Variants in TNPO1 observed in about 807,000 individuals in gnomAD.
The protein encoded by TNPO1 is transportin-1.
Under a neutral mutation model 119.5 loss-of-function variants are expected in TNPO1, and 8 were observed. The observed-to-expected ratio is 0.07, with a 90% CI of 0.04 to 0.12. The LOEUF (loss-of-function observed/expected upper bound fraction) is 0.12. Among genes scored for constraint, TNPO1 ranks in the 10% least tolerant of loss-of-function variants. The pLI, the probability that TNPO1 is intolerant of heterozygous loss-of-function variation, is 1.00. For synonymous variants in TNPO1, 362 were observed against 363.0 expected, an observed-to-expected ratio of 1.00 and a Z score of 0.03; for missense variants, 576 against 1,089.8, an observed-to-expected ratio of 0.53 and a Z score of 6.64.
chr5:72,843,538 G>A (rs1745002041), intron 1 of TNPO1, among the ~76,000 whole-genome samples: 2 of 150,782 alleles, frequency 1.3e-5, no homozygotes. Context: ...ACGTTGCAGT[G>A]AGCCGAGATC....
intron 24 of TNPO1, among the ~76,000 whole-genome samples, chr5:72,905,812 G>A (rs1156916270): frequency 6.6e-6 from 1 of 152,170 alleles, no homozygotes; most frequent in Non-Finnish European, 1.5e-5. Context: ...TGGGAATATT[G>A]TTTGAACCTG....
chr5:72,852,477 A>T (rs1745658375), intron 3 of TNPO1, among the ~76,000 whole-genome samples: 1 of 152,220 alleles, frequency 6.6e-6, no homozygotes, highest in Non-Finnish European at 1.5e-5. Context: ...TTGTGGACAC[A>T]TAGAAGTCAA....
intron 5 of TNPO1, among the ~76,000 whole-genome samples, chr5:72,865,129 A>T (rs1049714434): frequency 2.0e-5 from 3 of 152,190 alleles, no homozygotes; most frequent in African/African-American, 4.8e-5. Context: ...ATACTCGATG[A>T]TATAATAATT....
At chr5:72,890,422 CT>C (rs1357966908) in intron 14 of TNPO1, among the ~76,000 whole-genome samples, 1 of 152,086 alleles carries the variant, frequency 6.6e-6, no homozygotes, top group Non-Finnish European at 1.5e-5. Flanking sequence ...GCAAAAGTGC[CT>C]TGTTTCCAGT....
At chr5:72,849,297 G>A (rs1311275376) in intron 2 of TNPO1, among the ~76,000 whole-genome samples, 1 of 152,182 alleles carries the variant, frequency 6.6e-6, no homozygotes, top group Non-Finnish European at 1.5e-5. Context: ...GCTTTCTGTA[G>A]TGCCCTAAAC....
chr5:72,904,522 T>C, intron 23 of TNPO1, among the ~76,000 whole-genome samples: 1 of 152,054 alleles, frequency 6.6e-6, no homozygotes, highest in Non-Finnish European at 1.5e-5. Flanking sequence ...AGGGCCGGGC[T>C]CAGTGGCTCA....
chr5:72,912,566 C>T lies in TNPO1; in HGVS notation c.*3893C>T, dbSNP rs1027222362. ...TTCATTGAGAATCTTTCCATTTAGT[C>T]TGATTTTTTTCCTAATATTCTAGCA... On this transcript the variant is annotated 3_prime_UTR_variant, in exon 25 of 25. Coordinates refer to ENST00000337273, the MANE Select transcript of TNPO1 (RefSeq NM_002270.4). The T allele has an allele frequency of 6.6e-6, 1 of 152,340 alleles. No homozygotes were observed. Among genetic ancestry groups the T allele is most frequent in the Non-Finnish European group, 1.5e-5 (1 of 67,886 alleles). 9.4% of individuals were successfully genotyped at this position (152,340 alleles called of 1,614,324 possible). A position where few individuals can be genotyped will look rare whatever the true frequency, so the allele number is the denominator to read the frequency against.
intron 1 of TNPO1, among the ~76,000 whole-genome samples, chr5:72,828,800 G>A (rs1454278752): frequency 6.6e-6 from 1 of 152,026 alleles, no homozygotes; most frequent in African/African-American, 2.4e-5. Flanking sequence ...TTTAGATGGA[G>A]AGGTATTTGC....
intron 22 of TNPO1, among the ~76,000 whole-genome samples, chr5:72,901,713 C>T (rs910935783): frequency 7.2e-5 from 11 of 152,146 alleles, no homozygotes; most frequent in Non-Finnish European, 1.5e-4. Context: ...GAACAAAATG[C>T]TAACTGTGGG....
chr5:72,876,601 AATAT>A (rs1747794716), intron 8 of TNPO1, among the ~76,000 whole-genome samples: 1 of 152,206 alleles, frequency 6.6e-6, no homozygotes, highest in African/African-American at 2.4e-5. Flanking sequence ...CATTTTAAGA[AATAT>A]ATAATGAGTT....
At chr5:72,833,657 T>C (rs1744571484) in intron 1 of TNPO1, among the ~76,000 whole-genome samples, 1 of 152,220 alleles carries the variant, frequency 6.6e-6, no homozygotes, top group Non-Finnish European at 1.5e-5. Context: ...GGTCCATGCT[T>C]ATAAACTGAA....
chr5:72,891,972 A>G (rs1028104565), intron 15 of TNPO1, 76 bp downstream of exon 15: 76 of 1,095,222 alleles, frequency 6.9e-5, no homozygotes, highest in Middle Eastern at 4.1e-4. Flanking sequence ...TATGATAAGA[A>G]AAGTGTTAAT....
Position 72,893,710 on chromosome 5 carries a change from A to G in TNPO1, c.2143+7A>G, listed in dbSNP as rs765787848. Reference sequence around the variant, plus strand: ...CATGTTAAGCCTTGTATAGGTATGAATATTTTCTACTGCTATGAATATGGT... The same window carrying G: ...CATGTTAAGCCTTGTATAGGTATGAGTATTTTCTACTGCTATGAATATGGT... On this transcript the variant is annotated splice_region_variant and intron_variant, in intron 18 of 24. Coordinates refer to ENST00000337273, the MANE Select transcript of TNPO1 (RefSeq NM_002270.4). The G allele has an allele frequency of 1.2e-6, 2 of 1,612,120 alleles. No homozygotes were observed. Among genetic ancestry groups the G allele is most frequent in the African/African-American group, 1.3e-5 (1 of 75,034 alleles).
chr5:72,912,583 A>G lies in TNPO1; in HGVS notation c.*3910A>G, dbSNP rs1459218800. ...CATTTAGTCTGATTTTTTTCCTAATATTCTAGCAGGCTGGGGTGGTATAAA... is the reference window on the plus strand; with the variant it reads ...CATTTAGTCTGATTTTTTTCCTAATGTTCTAGCAGGCTGGGGTGGTATAAA... On this transcript the variant is annotated 3_prime_UTR_variant, in exon 25 of 25. Coordinates refer to ENST00000337273, the MANE Select transcript of TNPO1 (RefSeq NM_002270.4). 1 of 152,378 alleles carries G rather than the reference A, an allele frequency of 6.6e-6. No individual in the cohort carries two copies. The highest frequency in any genetic ancestry group is 1.5e-5 in the Non-Finnish European group (1 of 67,884). The allele number at this position is 152,378 out of a possible 1,614,324, so 9.4% of individuals were successfully genotyped here.
intron 1 of TNPO1, among the ~76,000 whole-genome samples, chr5:72,834,545 T>C (rs1056605470): frequency 5.3e-5 from 8 of 152,208 alleles, no homozygotes; most frequent in African/African-American, 1.9e-4. Flanking sequence ...AAAATTAATA[T>C]AAAAAAGTGT....
In TNPO1 at chr5:72,888,003, G is replaced by A. The variant is rs535472253; in HGVS notation, c.1304-75G>A. On this transcript the variant is annotated intron_variant, in intron 12 of 24. Coordinates refer to ENST00000337273, the MANE Select transcript of TNPO1 (RefSeq NM_002270.4). ...ATATTCTGAATTTTTTCATAGATAC[G>A]TGTTTTATTTTCATAATCAACCAAA... 4.4e-5 allele frequency: 59 copies of A among 1,342,466 alleles called. No homozygotes were observed. In the Middle Eastern group the frequency reaches 6.8e-4, roughly 16 times the overall value. 83.2% of individuals were successfully genotyped at this position (1,342,466 alleles called of 1,614,324 possible).
At chr5:72,857,188 T>C (rs1746066443) in intron 4 of TNPO1, among the ~76,000 whole-genome samples, 1 of 151,964 alleles carries the variant, frequency 6.6e-6, no homozygotes, top group Non-Finnish European at 1.5e-5. Context: ...TGTGGTGGCG[T>C]GTGCTTGTAA....
chr5:72,818,821 A>G (rs1426260812), intron 1 of TNPO1, among the ~76,000 whole-genome samples: 1 of 152,238 alleles, frequency 6.6e-6, no homozygotes, highest in Admixed American at 6.5e-5. Context: ...TTCAAAAACA[A>G]TGGCGAACAA....
Position 72,875,603 on chromosome 5 carries a change from C to A in TNPO1, c.679-12C>A. The stretch of plus-strand genomic sequence containing the variant: ...TTTCTAAAACTAGAAAAAATTATTT[C>A]TTGTGCAACAGAATCTCTTTGCATT... On this transcript the variant is annotated splice_polypyrimidine_tract_variant and intron_variant, in intron 7 of 24. Coordinates refer to ENST00000337273, the MANE Select transcript of TNPO1 (RefSeq NM_002270.4). 1 of 1,607,968 alleles carries A rather than the reference C, an allele frequency of 6.2e-7. No individual in the cohort carries two copies. The highest frequency in any genetic ancestry group is 8.5e-7 in the Non-Finnish European group (1 of 1,175,408).
Sources: allele counts gnomAD v4.1 joint callset (sites outside exome capture counted in the v4.1 genomes callset), GRCh38; gene constraint gnomAD v4.1.1; transcripts MANE v1.5; gene names NCBI Gene and HGNC (gene_info 2026-07-23, HGNC 2026-07-21).